The following FAM178B variants were observed in gnomAD, a reference collection of about 807,000 sequenced individuals.
FAM178B encodes the protein protein FAM178B.
A neutral mutation model predicts 91.7 loss-of-function variants in FAM178B; 82 were observed. That is an observed-to-expected ratio of 0.89 (90% confidence interval 0.75 to 1.07). The LOEUF is 1.07. FAM178B is among the 50% of genes least tolerant of loss of function. FAM178B has a pLI of 0.00. For synonymous variants in FAM178B, 368 were observed against 359.4 expected, an observed-to-expected ratio of 1.02 and a Z score of -0.27; for missense variants, 769 against 846.7, an observed-to-expected ratio of 0.91 and a Z score of 1.14.
chr2:96,895,817 C>T (rs62152899), intron 13 of FAM178B, among the ~76,000 whole-genome samples: 1,603 of 152,340 alleles, frequency 0.011, 16 homozygotes, highest in Non-Finnish European at 0.017. Context: ...TGGCTTCCTC[C>T]GGTGACTCAC....
intron 9 of FAM178B, among the ~76,000 whole-genome samples, chr2:96,924,517 A>G (rs548682717): frequency 6.6e-6 from 1 of 152,228 alleles, no homozygotes; most frequent in Admixed American, 6.5e-5. Context: ...ATCAAGCCAC[A>G]CGCAGGGTGG....
intron 9 of FAM178B, among the ~76,000 whole-genome samples, chr2:96,926,085 C>T (rs1276571030): frequency 6.6e-6 from 1 of 152,140 alleles, no homozygotes; most frequent in Non-Finnish European, 1.5e-5. Context: ...GAGTGGATCA[C>T]CTGAGGTCAG....
intron 7 of FAM178B, among the ~76,000 whole-genome samples, chr2:96,950,292 T>C (rs2081903896): frequency 6.6e-6 from 1 of 152,160 alleles, no homozygotes. Context: ...CTGTTCCCCA[T>C]TACTCACCCA....
intron 6 of FAM178B, among the ~76,000 whole-genome samples, chr2:96,954,760 A>G (rs2081975330): frequency 6.6e-6 from 1 of 152,254 alleles, no homozygotes. Flanking sequence ...TTGTTTAAAC[A>G]TAAGAGAGGC....
rs2080919641 is a variant in FAM178B at position 96,901,146 on chromosome 2, G to A, written c.1650+1474C>T. On this transcript the variant is annotated intron_variant, in intron 13 of 16. Coordinates refer to ENST00000490605, the MANE Select transcript of FAM178B (RefSeq NM_001122646.3). ...AGTCAGAGCTTTTTGGAGAGAAGAGGAACAGGACAGGAAGGCTGAATTCTT... is the reference window on the plus strand; with the variant it reads ...AGTCAGAGCTTTTTGGAGAGAAGAGAAACAGGACAGGAAGGCTGAATTCTT... Among the ~76,000 whole-genome samples, 4 of 151,826 alleles carry A rather than the reference G, an allele frequency of 2.6e-5. No homozygotes were observed. In the South Asian group the frequency reaches 8.3e-4, roughly 32 times the overall value.
intron 14 of FAM178B, among the ~76,000 whole-genome samples, chr2:96,893,192 C>A (rs1219982299): frequency 6.6e-6 from 1 of 152,134 alleles, no homozygotes; most frequent in Non-Finnish European, 1.5e-5. Flanking sequence ...TCTTCATTCC[C>A]GAGTCCCCAG....
At chr2:96,921,068 G>A in intron 12 of FAM178B, 97 bp downstream of exon 12, 1 of 935,946 alleles carries the variant, frequency 1.1e-6, no homozygotes, top group Non-Finnish European at 1.7e-6. Flanking sequence ...TTGGGCAGGG[G>A]AGGTTTGTTG....
chr2:96,893,629 G>C (rs1158423551), intron 14 of FAM178B, among the ~76,000 whole-genome samples: 1 of 151,960 alleles, frequency 6.6e-6, no homozygotes, highest in Non-Finnish European at 1.5e-5. Flanking sequence ...ATGCTGTAAG[G>C]CTGACAACCC....
chr2:96,877,592 C>T (rs949757212), intron 16 of FAM178B, among the ~76,000 whole-genome samples: 1 of 152,268 alleles, frequency 6.6e-6, no homozygotes, highest in South Asian at 2.1e-4. Context: ...TTGGTAGAGA[C>T]GGGTTTCACC....
chr2:96,890,386 C>A (rs2080643634), intron 14 of FAM178B, among the ~76,000 whole-genome samples: 1 of 152,150 alleles, frequency 6.6e-6, no homozygotes, highest in African/African-American at 2.4e-5. Flanking sequence ...ATCTATTGAG[C>A]CTGAGAAGGC....
At chr2:96,886,126 C>T (rs1337948279) in intron 14 of FAM178B, among the ~76,000 whole-genome samples, 2 of 152,230 alleles carry the variant, frequency 1.3e-5, no homozygotes, top group Admixed American at 6.5e-5. Flanking sequence ...CGTGACTGAA[C>T]CACAGGGATG....
intron 13 of FAM178B, among the ~76,000 whole-genome samples, chr2:96,895,540 G>T (rs1465945434): frequency 6.6e-6 from 1 of 152,212 alleles, no homozygotes. Flanking sequence ...ACTTGATTCG[G>T]GTAGCCTGGG....
At chr2:96,908,375 G>C (rs1224111993) in intron 12 of FAM178B, among the ~76,000 whole-genome samples, 1 of 152,198 alleles carries the variant, frequency 6.6e-6, no homozygotes, top group Non-Finnish European at 1.5e-5. Context: ...AGAATGCTCT[G>C]CATGGTCCCA....
At chr2:96,920,608 GA>G (rs939696872) in intron 12 of FAM178B, among the ~76,000 whole-genome samples, 11 of 149,960 alleles carry the variant, frequency 7.3e-5, no homozygotes, top group African/African-American at 1.5e-4. Flanking sequence ...TCAAGAAGAA[GA>G]AAAAAAAAAT....
At chr2:96,946,516 C>A (rs1251783268) in intron 8 of FAM178B, among the ~76,000 whole-genome samples, 1 of 152,224 alleles carries the variant, frequency 6.6e-6, no homozygotes, top group African/African-American at 2.4e-5. Flanking sequence ...GAAACACAAT[C>A]CCAGGCTGGG....
At position 96,981,467 on chromosome 2, in the gene FAM178B, C is replaced by A. The variant is rs371137574; in HGVS notation, c.73+4774G>T. Among the ~76,000 whole-genome samples the A allele has an allele frequency of 1.1e-4, 16 of 152,216 alleles. No individual in the cohort carries two copies. The East Asian group carries it at 1.9e-3, about 18-fold the overall frequency. On this transcript the variant is annotated intron_variant, in intron 1 of 16. Transcript: ENST00000490605. ...CCCAATTTATCAACATTTTCTTCTG[C>A]AGTTGGTGCTTTCTGTATCCTGTTT...
At chr2:96,953,493 T>C (rs1048655675) in intron 6 of FAM178B, among the ~76,000 whole-genome samples, 5 of 152,304 alleles carry the variant, frequency 3.3e-5, no homozygotes, top group Non-Finnish European at 5.9e-5. Context: ...GATCAACACA[T>C]TTCTAACTGC....
At chr2:96,881,125 A>T (rs772147758) in intron 14 of FAM178B, among the ~76,000 whole-genome samples, 2 of 151,878 alleles carry the variant, frequency 1.3e-5, no homozygotes, top group African/African-American at 4.8e-5. Flanking sequence ...CAAAACCAAA[A>T]GGTTATCCAG....
At chr2:96,956,344 GCAGGT>G (rs143548047) in intron 6 of FAM178B, among the ~76,000 whole-genome samples, 318 of 152,350 alleles carry the variant, frequency 2.1e-3, no homozygotes, top group African/African-American at 7.4e-3. Context: ...TGATGGATGA[GCAGGT>G]CATCTGGACC....
Sources: gnomAD v4.1 joint callset for allele counts (sites outside exome capture counted in the v4.1 genomes callset) on GRCh38, gnomAD v4.1.1 for gene constraint, MANE v1.5 for transcripts, NCBI Gene and HGNC (gene_info 2026-07-23, HGNC 2026-07-21) for gene names.